The following PCDHGA2 variants were observed in gnomAD, a reference collection of about 807,000 sequenced individuals.
The protein encoded by PCDHGA2 is protocadherin gamma-A2.
Under a neutral mutation model 59.2 loss-of-function variants are expected in PCDHGA2, and 40 were observed. The ratio of observed to expected loss-of-function variants is 0.68; its 90% CI spans 0.52 to 0.88. The LOEUF is 0.88. Among genes scored for constraint, PCDHGA2 ranks in the 40% least tolerant of loss-of-function variants. PCDHGA2 has a pLI of 0.00. For missense variants in PCDHGA2, 1,226 were observed against 1,204.0 expected, an observed-to-expected ratio of 1.02 and a Z score of -0.27; for synonymous variants, 560 against 526.0, an observed-to-expected ratio of 1.06 and a Z score of -0.89.
chr5:141,423,750 T>TGGG lies in PCDHGA2; in HGVS notation c.2425-71049_2425-71047dup, dbSNP rs144521096. 4.7e-3 allele frequency: 1,348 copies of TGGG among 288,070 alleles called. 1 individual carries two copies. The highest frequency in any genetic ancestry group is 5.4e-3 in the Non-Finnish European group (1,192 of 221,408). 17.8% of individuals were successfully genotyped at this position (288,070 alleles called of 1,614,324 possible). A position where few individuals can be genotyped will look rare whatever the true frequency, so the allele number is the denominator to read the frequency against. ...TTTTGAGCCTGTTATGAAAACTGTT[T>TGGG]GGGGGGGGGGTGGGGCGGCATATAT... is the stretch of plus-strand genomic sequence containing the variant. On this transcript the variant is annotated intron_variant, in intron 1 of 3. Coordinates refer to ENST00000394576, the MANE Select transcript of PCDHGA2 (RefSeq NM_018915.4).
chr5:141,350,590 A>G lies in PCDHGA2; in HGVS notation c.2424+9195A>G, dbSNP rs1362989593. On this transcript the variant is annotated intron_variant, in intron 1 of 3. Transcript: ENST00000394576. The stretch of plus-strand genomic sequence containing the variant: ...AATTCGAAACGGTCGCTGAAAACCC[A>G]ATGAATGTTTTCCACGTGGTTGTTG... The G allele has an allele frequency of 3.7e-6, 6 of 1,613,902 alleles. No homozygotes were observed. In the African/African-American group the frequency reaches 6.7e-5, roughly 18 times the overall value.
intron 1 of PCDHGA2, chr5:141,423,051 C>T (rs200022455): frequency 1.7e-5 from 28 of 1,614,084 alleles, no homozygotes; most frequent in Non-Finnish European, 2.3e-5. Context: ...TGTCCTATCG[C>T]CTGCTTAAGG....
At chr5:141,386,329 GA>G (rs1445155662) in intron 1 of PCDHGA2, among the ~76,000 whole-genome samples, 4 of 152,150 alleles carry the variant, frequency 2.6e-5, no homozygotes, top group Non-Finnish European at 4.4e-5. Context: ...TTGTCATCCA[GA>G]AGGGGTGGAT....
chr5:141,345,656 A>C (rs377095835), intron 1 of PCDHGA2: 5 of 1,614,050 alleles, frequency 3.1e-6, no homozygotes, highest in Non-Finnish European at 3.4e-6. Context: ...GGAACCCTCC[A>C]CTCAGCAGCA....
chr5:141,480,837 G>T (rs1435750544), intron 1 of PCDHGA2, among the ~76,000 whole-genome samples: 2 of 152,168 alleles, frequency 1.3e-5, no homozygotes, highest in African/African-American at 4.8e-5. Flanking sequence ...ATAAGATCAG[G>T]AGTTTGAGAC....
intron 1 of PCDHGA2, among the ~76,000 whole-genome samples, chr5:141,363,263 C>G (rs933065042): frequency 5.9e-5 from 9 of 152,160 alleles, no homozygotes; most frequent in African/African-American, 2.2e-4. Flanking sequence ...TTACTTAAAA[C>G]TTTGCTTTTG....
At chr5:141,389,433 G>C in intron 1 of PCDHGA2, 1 of 1,610,628 alleles carries the variant, frequency 6.2e-7, no homozygotes, top group Non-Finnish European at 8.5e-7. Context: ...CGCGCAGCGC[G>C]CCTTCGACCA....
chr5:141,476,309 A>G lies in PCDHGA2; in HGVS notation c.2425-18498A>G. ...GGATCTCGGTAGCCTCTCAGCCCGC[A>G]GGTTCCGGGTGGTGTCTGGAGCTAG... On this transcript the variant is annotated intron_variant, in intron 1 of 3. Transcript: ENST00000394576. The surrounding 1 kb of genome is among the most constrained non-coding windows in gnomAD (Gnocchi z 7.6). The G allele has an allele frequency of 6.2e-7, 1 of 1,613,966 alleles. No homozygotes were observed. Among genetic ancestry groups the G allele is most frequent in the Non-Finnish European group, 8.5e-7 (1 of 1,179,988 alleles).
At position 141,431,026 on chromosome 5, in the gene PCDHGA2, G is replaced by A; in HGVS notation, c.2425-63781G>A. On this transcript the variant is annotated intron_variant, in intron 1 of 3. Coordinates refer to ENST00000394576, the MANE Select transcript of PCDHGA2 (RefSeq NM_018915.4). This position sits in a 1 kb window ranked among gnomAD's most constrained non-coding sequence, Gnocchi z 4.8. Reference sequence around the variant, plus strand: ...GCGGCAGCTTGGTCACGGCGGGCAGGATAGACCGGGAGGAGCTCTGTATGG... The same window carrying A: ...GCGGCAGCTTGGTCACGGCGGGCAGAATAGACCGGGAGGAGCTCTGTATGG... The A allele has an allele frequency of 1.2e-6, 2 of 1,614,118 alleles. No homozygotes were observed. The highest frequency in any genetic ancestry group is 1.7e-6 in the Non-Finnish European group (2 of 1,179,960).
At chr5:141,370,824 G>A (rs754309102) in intron 1 of PCDHGA2, 3 of 1,613,996 alleles carry the variant, frequency 1.9e-6, no homozygotes, top group Middle Eastern at 1.7e-4. Context: ...GGAAATCAGC[G>A]AACTGGCTCT....
intron 1 of PCDHGA2, chr5:141,370,437 C>T: frequency 1.2e-6 from 2 of 1,603,790 alleles, no homozygotes; most frequent in Non-Finnish European, 1.7e-6. Flanking sequence ...AGGGCAGAGG[C>T]GAATGCTATT....
chr5:141,428,307 C>A, intron 1 of PCDHGA2: 1 of 688,030 alleles, frequency 1.5e-6, no homozygotes, highest in South Asian at 1.6e-5. Flanking sequence ...TTTACCTGGT[C>A]GTGGCCTTGG....
chr5:141,426,439 G>A, intron 1 of PCDHGA2: 1 of 302,400 alleles, frequency 3.3e-6, no homozygotes, highest in Non-Finnish European at 6.5e-6. Flanking sequence ...GAACCTTGCG[G>A]AGGACATGCG....
chr5:141,387,687 G>A, intron 1 of PCDHGA2: 1 of 808,412 alleles, frequency 1.2e-6, no homozygotes, highest in Non-Finnish European at 1.9e-6. Context: ...CGCAGCCGCA[G>A]CGCGCTTTCC....
intron 1 of PCDHGA2, among the ~76,000 whole-genome samples, chr5:141,451,571 A>G (rs2098719323): frequency 6.6e-6 from 1 of 152,188 alleles, no homozygotes; most frequent in Non-Finnish European, 1.5e-5. Context: ...CAATCTTTTT[A>G]TAAACCTAAT....
intron 1 of PCDHGA2, chr5:141,409,960 C>G: frequency 6.2e-7 from 1 of 1,613,416 alleles, no homozygotes; most frequent in Non-Finnish European, 8.5e-7. Flanking sequence ...AGCCCGGCTA[C>G]CTAGTGACTA....
At position 141,431,035 on chromosome 5, in the gene PCDHGA2, G is replaced by C; in HGVS notation, c.2425-63772G>C. The C allele has an allele frequency of 6.2e-7, 1 of 1,614,186 alleles. No individual in the cohort carries two copies. Among genetic ancestry groups the C allele is most frequent in the South Asian group, 1.1e-5 (1 of 91,086 alleles). ...TGGTCACGGCGGGCAGGATAGACCG[G>C]GAGGAGCTCTGTATGGGGGCCATCA... On this transcript the variant is annotated intron_variant, in intron 1 of 3. Transcript: ENST00000394576. The surrounding 1 kb of genome is among the most constrained non-coding windows in gnomAD (Gnocchi z 4.8).
In PCDHGA2 at chr5:141,432,075, C is replaced by G. The variant is rs2097446801; in HGVS notation, c.2425-62732C>G. 2 of 1,614,086 alleles carry G rather than the reference C, an allele frequency of 1.2e-6. No individual in the cohort carries two copies. Among genetic ancestry groups the G allele is most frequent in the Non-Finnish European group, 1.7e-6 (2 of 1,180,054 alleles). ...CCCCTATCCACGGAAACTCATATCT[C>G]GCTGAACGTGGCAGACACCAACGAC... On this transcript the variant is annotated intron_variant, in intron 1 of 3. Transcript: ENST00000394576. This position sits in a 1 kb window ranked among gnomAD's most constrained non-coding sequence, Gnocchi z 6.0.
Position 141,476,176 on chromosome 5 carries a change from G to C in PCDHGA2, c.2425-18631G>C, listed in dbSNP as rs778169270. 1 of 1,613,530 alleles carries C rather than the reference G, an allele frequency of 6.2e-7. No homozygotes were observed. The highest frequency in any genetic ancestry group is 8.5e-7 in the Non-Finnish European group (1 of 1,180,006). On this transcript the variant is annotated intron_variant, in intron 1 of 3. Transcript: ENST00000394576. The surrounding 1 kb of genome is among the most constrained non-coding windows in gnomAD (Gnocchi z 7.6). ...GCACCGGGAGGGTAGTGGGAGTTTT[G>C]CTTCTGCTTGGTGCCTTGAACAAGG...
Sources: gnomAD v4.1 joint callset for allele counts (sites outside exome capture counted in the v4.1 genomes callset) on GRCh38, gnomAD v4.1.1 for gene constraint, Gnocchi (gnomAD v3.1) non-coding constraint, MANE v1.5 for transcripts, NCBI Gene and HGNC (gene_info 2026-07-23, HGNC 2026-07-21) for gene names.